DACH1: variants seen among roughly 807,000 people sequenced by gnomAD.
The protein encoded by DACH1 is dachshund homolog 1.
DACH1 carries 12 observed loss-of-function variants against 54.2 expected under a neutral mutation model. That is an observed-to-expected ratio of 0.22 (90% CI 0.14 to 0.36). The LOEUF (loss-of-function observed/expected upper bound fraction) is 0.36, where lower values mean the gene tolerates loss of function less well. Ranked by LOEUF, DACH1 falls within the 10% of genes least tolerant of loss-of-function variation. DACH1 has a pLI of 1.00. For synonymous variants in DACH1, 386 were observed against 366.2 expected (o/e 1.05, Z -0.62); for missense variants, 805 against 929.8 (o/e 0.87, Z 1.75).
At chr13:71,801,900 A>G (rs1019190360) in intron 1 of DACH1, among the ~76,000 whole-genome samples, 7 of 152,138 alleles carry the variant, frequency 4.6e-5, no homozygotes, top group Admixed American at 3.9e-4. Flanking sequence ...ACCTGTAAAC[A>G]AAATCTGTGG....
chr13:71,749,268 C>A (rs2137973255), intron 1 of DACH1, among the ~76,000 whole-genome samples: 1 of 152,148 alleles, frequency 6.6e-6, no homozygotes, highest in East Asian at 1.9e-4. Context: ...CAGACTTGAG[C>A]CACTTTGCCT....
intron 6 of DACH1, 64 bp downstream of exon 6, chr13:71,556,960 A>C (rs1216130357): frequency 6.8e-7 from 1 of 1,473,502 alleles, no homozygotes; most frequent in Non-Finnish European, 9.1e-7. Flanking sequence ...TCATTGTGTG[A>C]TTAAAATCTA....
In DACH1 at chr13:71,818,485, A is replaced by G. The variant is rs142653201; in HGVS notation, c.848+47437T>C. On this transcript the variant is annotated intron_variant, in intron 1 of 10. Coordinates refer to ENST00000613252, the MANE Select transcript of DACH1 (RefSeq NM_080759.6). ...ATGCAAGCCCTGAAAGTCCCAATAA[A>G]GACTTTGGATTTACTTTGGTTGTTG... 3.1e-3 allele frequency among the ~76,000 whole-genome samples: 478 copies of G among 152,322 alleles called. 3 individuals are homozygous for G. The highest frequency in any genetic ancestry group is 0.011 in the African/African-American group (452 of 41,572).
intron 1 of DACH1, among the ~76,000 whole-genome samples, chr13:71,848,613 G>A (rs1873450767): frequency 6.6e-6 from 1 of 151,780 alleles, no homozygotes; most frequent in Non-Finnish European, 1.5e-5. Flanking sequence ...CATTATCACA[G>A]CTCACTGCAG....
intron 3 of DACH1, among the ~76,000 whole-genome samples, chr13:71,609,847 G>C (rs1299897945): frequency 1.3e-5 from 2 of 151,968 alleles, no homozygotes; most frequent in African/African-American, 2.4e-5. Flanking sequence ...TTTTTATCTT[G>C]ATAAATATAA....
At chr13:71,706,239 A>C (rs1170952651) in intron 1 of DACH1, among the ~76,000 whole-genome samples, 1 of 151,624 alleles carries the variant, frequency 6.6e-6, no homozygotes, top group Non-Finnish European at 1.5e-5. Flanking sequence ...AAAAGGGATA[A>C]AAACATATTA....
chr13:71,807,206 T>C (rs896922110), intron 1 of DACH1, among the ~76,000 whole-genome samples: 3 of 152,182 alleles, frequency 2.0e-5, no homozygotes, highest in African/African-American at 7.2e-5. Flanking sequence ...TCTATTAAAA[T>C]GGTAGTTTTA....
intron 6 of DACH1, among the ~76,000 whole-genome samples, chr13:71,522,547 G>A (rs1881680329): frequency 6.6e-6 from 1 of 152,024 alleles, no homozygotes; most frequent in Admixed American, 6.6e-5. Context: ...TGGAGGCTGA[G>A]GAGGGAGGAT....
chr13:71,770,047 G>C (rs1182594175), intron 1 of DACH1, among the ~76,000 whole-genome samples: 1 of 151,556 alleles, frequency 6.6e-6, no homozygotes, highest in Non-Finnish European at 1.5e-5. Flanking sequence ...TTTTAGTACA[G>C]CTTTAAAATT....
Position 71,759,105 on chromosome 13 carries a change from T to C in DACH1, c.849-77195A>G, listed in dbSNP as rs1331428617. 2.0e-5 allele frequency among the ~76,000 whole-genome samples: 3 copies of C among 151,980 alleles called. No homozygotes were observed. In the East Asian group the frequency reaches 5.8e-4, roughly 29 times the overall value. On this transcript the variant is annotated intron_variant, in intron 1 of 10. Coordinates refer to ENST00000613252, the MANE Select transcript of DACH1 (RefSeq NM_080759.6). Reference sequence around the variant, plus strand: ...TTTGGACAATGCTGAATCTGTTACCTTTTTTTCCCCTTTCTGGCTGCTTTT... The same window carrying C: ...TTTGGACAATGCTGAATCTGTTACCCTTTTTTCCCCTTTCTGGCTGCTTTT...
intron 3 of DACH1, among the ~76,000 whole-genome samples, chr13:71,598,680 C>T (rs1874285759): frequency 6.6e-6 from 1 of 152,188 alleles, no homozygotes; most frequent in African/African-American, 2.4e-5. Context: ...GTTGCCAGTA[C>T]TCAAAAGCCT....
chr13:71,798,111 G>T (rs928414564), intron 1 of DACH1, among the ~76,000 whole-genome samples: 2 of 151,664 alleles, frequency 1.3e-5, no homozygotes, highest in Non-Finnish European at 2.9e-5. Context: ...ATAAAAATAG[G>T]TATAGAAAAG....
At chr13:71,719,358 T>A (rs1483100402) in intron 1 of DACH1, among the ~76,000 whole-genome samples, 4 of 152,172 alleles carry the variant, frequency 2.6e-5, no homozygotes, top group African/African-American at 9.7e-5. Context: ...AGATCCCATG[T>A]CTTACTGTAG....
chr13:71,477,950 C>T (rs1566283596), intron 8 of DACH1, among the ~76,000 whole-genome samples: 1 of 151,972 alleles, frequency 6.6e-6, no homozygotes, highest in Admixed American at 6.6e-5. Context: ...TAGTGGTTAA[C>T]GAAAGAAAAC....
At chr13:71,694,184 A>C (rs1881690753) in intron 1 of DACH1, among the ~76,000 whole-genome samples, 1 of 150,982 alleles carries the variant, frequency 6.6e-6, no homozygotes, top group Non-Finnish European at 1.5e-5. Context: ...AATTTGTTTG[A>C]GAAACCTGTA....
intron 6 of DACH1, among the ~76,000 whole-genome samples, chr13:71,518,390 GAA>G (rs969614304): frequency 6.9e-6 from 1 of 145,842 alleles, no homozygotes; most frequent in Non-Finnish European, 1.5e-5. Context: ...CAGAACTGTG[GAA>G]AAAAAAAAAT....
At chr13:71,698,899 C>A (rs2138743904) in intron 1 of DACH1, among the ~76,000 whole-genome samples, 1 of 152,036 alleles carries the variant, frequency 6.6e-6, no homozygotes, top group Non-Finnish European at 1.5e-5. Flanking sequence ...ACTAGGGGAT[C>A]CAGGGGTAGA....
chr13:71,656,468 T>C (rs1879095243), intron 2 of DACH1, among the ~76,000 whole-genome samples: 1 of 152,138 alleles, frequency 6.6e-6, no homozygotes, highest in Non-Finnish European at 1.5e-5. Context: ...CTAAACTGCA[T>C]TTTATGGCCA....
intron 6 of DACH1, among the ~76,000 whole-genome samples, chr13:71,512,941 C>T (rs1416762386): frequency 1.3e-5 from 2 of 151,746 alleles, no homozygotes; most frequent in African/African-American, 4.8e-5. Context: ...AAATAATTGA[C>T]ATAGATGCTT....
Sources: gnomAD v4.1 joint callset for allele counts (sites outside exome capture counted in the v4.1 genomes callset) on GRCh38, gnomAD v4.1.1 for gene constraint, MANE v1.5 for transcripts, NCBI Gene and HGNC (gene_info 2026-07-23, HGNC 2026-07-21) for gene names.